Variants in FRY observed in about 807,000 individuals in gnomAD.
The protein encoded by FRY is protein furry homolog.
A neutral mutation model predicts 348.4 loss-of-function variants in FRY; 128 were observed. That is an observed-to-expected ratio of 0.37 (90% CI 0.32 to 0.43). The LOEUF (loss-of-function observed/expected upper bound fraction) is 0.43, where lower values mean the gene tolerates loss of function less well. Ranked by LOEUF, FRY falls within the 20% of genes least tolerant of loss-of-function variation. The pLI, the probability that FRY is intolerant of heterozygous loss-of-function variation, is 1.00. For synonymous variants in FRY, 1,370 were observed against 1,374.7 expected (o/e 1.00, Z 0.08); for missense variants, 2,736 against 3,695.2 (o/e 0.74, Z 6.73).
chr13:32,141,279 G>A (rs1046053562), intron 11 of FRY, among the ~76,000 whole-genome samples: 3 of 152,038 alleles, frequency 2.0e-5, no homozygotes, highest in Non-Finnish European at 4.4e-5. Flanking sequence ...TAGGTTATTT[G>A]GATAATATAC....
At chr13:32,197,866 C>CTT (rs934285000) in intron 29 of FRY, among the ~76,000 whole-genome samples, 1 of 152,114 alleles carries the variant, frequency 6.6e-6, no homozygotes, top group African/African-American at 2.4e-5. Context: ...TTCTTGTTTA[C>CTT]TTTTTGAGTC....
intron 1 of FRY, among the ~76,000 whole-genome samples, chr13:32,056,862 A>C (rs2138425707): frequency 6.6e-6 from 1 of 152,296 alleles, no homozygotes; most frequent in African/African-American, 2.4e-5. Context: ...TATTACTGAA[A>C]TATTTCACTG....
intron 23 of FRY, 152 bp from the exon 24 acceptor site, chr13:32,182,825 C>T (rs914808001): frequency 8.2e-6 from 5 of 612,866 alleles, no homozygotes; most frequent in Non-Finnish European, 1.5e-5. Flanking sequence ...CAGCTTAGCA[C>T]GTGATTGGGA....
At chr13:32,188,432 A>G (rs1883149166) in intron 28 of FRY, among the ~76,000 whole-genome samples, 1 of 152,156 alleles carries the variant, frequency 6.6e-6, no homozygotes, top group African/African-American at 2.4e-5. Context: ...ATGATTCCCC[A>G]TCAAAACTCT....
At chr13:32,291,231 G>C (rs1889338278) in intron 59 of FRY, among the ~76,000 whole-genome samples, 1 of 151,450 alleles carries the variant, frequency 6.6e-6, no homozygotes, top group South Asian at 2.1e-4. Context: ...TACTCAGTTT[G>C]AAAAAAGGAA....
Position 32,209,699 on chromosome 13 carries a change from G to A in FRY, c.4390G>A (p.Gly1464Arg). ...ITLQFLISLC[G>R]VSSDTVLLPY... ...CTTGCAGTTCCTGATTAGCCTCTGT[G>A]GGGTCAGCAGCGACACAGTTCTCCT... Residue 1464 changes from glycine (G) to arginine (R), a missense_variant, in exon 33 of 61, where the codon GGG becomes AGG. Around this residue, in one of 9 missense-constraint regions of FRY, gnomAD observed 794 missense variants for 977.0 expected, o/e 0.81. Transcript: ENST00000542859. The A allele has an allele frequency of 6.2e-7, 1 of 1,614,156 alleles. No homozygotes were observed. The highest frequency in any genetic ancestry group is 8.5e-7 in the Non-Finnish European group (1 of 1,180,010).
intron 1 of FRY, among the ~76,000 whole-genome samples, chr13:32,067,006 C>G (rs1455526678): frequency 2.6e-5 from 4 of 152,156 alleles, no homozygotes; most frequent in East Asian, 1.9e-4. Context: ...ATGCACGGTG[C>G]TAAGTGCTGG....
At chr13:32,052,340 A>G (rs1873374770) in intron 1 of FRY, among the ~76,000 whole-genome samples, 2 of 152,220 alleles carry the variant, frequency 1.3e-5, no homozygotes, top group Admixed American at 1.3e-4. Flanking sequence ...CTTTTTCTGA[A>G]TAGTTTTCCA....
intron 46 of FRY, among the ~76,000 whole-genome samples, chr13:32,242,155 C>T (rs1010312417): frequency 2.6e-5 from 4 of 152,144 alleles, no homozygotes; most frequent in Non-Finnish European, 4.4e-5. Flanking sequence ...TTATGTAGAT[C>T]TTTATCAAAT....
At chr13:32,154,357 G>T (rs1243106067) in intron 14 of FRY, among the ~76,000 whole-genome samples, 1 of 152,146 alleles carries the variant, frequency 6.6e-6, no homozygotes, top group African/African-American at 2.4e-5. Flanking sequence ...ATGAGCCAGA[G>T]AAATATTTAG....
At chr13:32,129,199 G>T (rs1172137253) in intron 7 of FRY, among the ~76,000 whole-genome samples, 1 of 152,106 alleles carries the variant, frequency 6.6e-6, no homozygotes, top group East Asian at 1.9e-4. Flanking sequence ...GAGGTTACAT[G>T]GTGTCCATTT....
At chr13:32,179,887 T>G in intron 23 of FRY, 88 bp downstream of exon 23, 2 of 1,319,972 alleles carry the variant, frequency 1.5e-6, no homozygotes, top group African/African-American at 1.4e-5. Context: ...GTCTGTGTGT[T>G]GGCGTGTGCC....
At chr13:32,179,900 G>C in intron 23 of FRY, 101 bp downstream of exon 23, 9 of 1,201,318 alleles carry the variant, frequency 7.5e-6, no homozygotes, top group Non-Finnish European at 1.1e-5. Flanking sequence ...CGTGTGCCCA[G>C]AGAGTTTATA....
At chr13:32,178,148 A>G in intron 20 of FRY, 29 bp from the exon 21 acceptor site, 1 of 1,613,646 alleles carries the variant, frequency 6.2e-7, no homozygotes, top group South Asian at 1.1e-5. Flanking sequence ...GTTCGGGTTT[A>G]ACTTACAACC....
At chr13:32,246,693 A>G (rs554618277) in intron 47 of FRY, among the ~76,000 whole-genome samples, 1 of 152,356 alleles carries the variant, frequency 6.6e-6, no homozygotes, top group East Asian at 1.9e-4. Flanking sequence ...CCAAGACACC[A>G]GTAAGGGGCC....
intron 11 of FRY, among the ~76,000 whole-genome samples, chr13:32,139,764 C>G (rs1879945911): frequency 1.3e-5 from 2 of 152,120 alleles, no homozygotes; most frequent in African/African-American, 4.8e-5. Context: ...GTGACCAATA[C>G]TTTTTTCTTC....
intron 2 of FRY, among the ~76,000 whole-genome samples, chr13:32,095,179 T>C (rs1340751425): frequency 8.9e-6 from 1 of 112,002 alleles, no homozygotes; most frequent in Non-Finnish European, 1.9e-5. Flanking sequence ...TTTTGCCCAT[T>C]TTTTGATCGG....
intron 42 of FRY, 24 bp from the exon 43 acceptor site, chr13:32,236,054 A>G (rs925091685): frequency 6.7e-7 from 1 of 1,499,956 alleles, no homozygotes; most frequent in Non-Finnish European, 9.3e-7. Context: ...GCAATACAAA[A>G]TGCTATCTTT....
At chr13:32,253,364 A>G (rs1887178368) in intron 50 of FRY, among the ~76,000 whole-genome samples, 1 of 152,252 alleles carries the variant, frequency 6.6e-6, no homozygotes, top group African/African-American at 2.4e-5. Context: ...CTTTTGAGAG[A>G]TGTTTATCGT....
Sources: allele counts gnomAD v4.1 joint callset (sites outside exome capture counted in the v4.1 genomes callset), GRCh38; gene constraint gnomAD v4.1.1; regional missense constraint gnomAD v4.1.1; transcripts MANE v1.5; gene names NCBI Gene and HGNC (gene_info 2026-07-23, HGNC 2026-07-21).